The following SHROOM4 variants were observed in gnomAD, a reference collection of about 807,000 sequenced individuals.
SHROOM4 encodes shroom family member 4, also known as protein Shroom4.
SHROOM4 carries 17 observed loss-of-function variants against 80.3 expected under a neutral mutation model. The observed-to-expected ratio is 0.21, with a 90% CI of 0.14 to 0.32. SHROOM4 has a LOEUF of 0.32. Ranked by LOEUF, SHROOM4 falls within the 10% of genes least tolerant of loss-of-function variation. The probability of loss-of-function intolerance (pLI) is 1.00; values close to 1 mark genes in which losing one functional copy is unlikely to be tolerated. For synonymous variants in SHROOM4, 400 were observed against 437.5 expected (o/e 0.91, Z 1.07); for missense variants, 993 against 1,140.3 (o/e 0.87, Z 1.86).
chrX:50,801,291 A>AGAGAGAGAGAGAGAGAG (rs782711842), intron 1 of SHROOM4, among the ~76,000 whole-genome samples: 17 of 103,538 alleles, frequency 1.6e-4, no homozygotes, highest in East Asian at 6.3e-4. Flanking sequence ...AGAGAGAGAG[A>AGAGAGAGAGAGAGAGAG]ACACGTACTG....
intron 2 of SHROOM4, among the ~76,000 whole-genome samples, chrX:50,678,192 G>A (rs1391007114): frequency 9.0e-6 from 1 of 111,069 alleles, no homozygotes; most frequent in Non-Finnish European, 1.9e-5. Context: ...GTTAGCCCAC[G>A]CTCCAGTAAT....
At chrX:50,623,779 C>A (rs782508683) in intron 5 of SHROOM4, among the ~76,000 whole-genome samples, 1 of 112,068 alleles carries the variant, frequency 8.9e-6, no homozygotes, top group African/African-American at 3.2e-5. Flanking sequence ...ACCCAACAAT[C>A]CATTAGTGGA....
chrX:50,787,136 G>A (rs782788851), intron 1 of SHROOM4, among the ~76,000 whole-genome samples: 3 of 109,648 alleles, frequency 2.7e-5, no homozygotes, highest in South Asian at 4.0e-4. Flanking sequence ...GGGAGATCAC[G>A]TGAGCCCAGG....
At chrX:50,664,140 G>A (rs1048391440) in intron 2 of SHROOM4, among the ~76,000 whole-genome samples, 1 of 111,529 alleles carries the variant, frequency 9.0e-6, no homozygotes, top group African/African-American at 3.3e-5. Flanking sequence ...GATCCCTGTC[G>A]GGTGAAGGTT....
chrX:50,682,982 G>A (rs1364806305), intron 2 of SHROOM4, among the ~76,000 whole-genome samples: 1 of 111,150 alleles, frequency 9.0e-6, no homozygotes, highest in African/African-American at 3.3e-5. Context: ...AATGTGAGAA[G>A]CAGAGACTGG....
At chrX:50,652,381 G>C (rs146225957) in intron 2 of SHROOM4, among the ~76,000 whole-genome samples, 262 of 111,901 alleles carry the variant, frequency 2.3e-3, no homozygotes, top group Non-Finnish European at 3.2e-3. Context: ...GTCTTCTTTT[G>C]AGAAGTGTCT....
rs1317106301 is a variant in SHROOM4, at chrX:50,596,057, C to T, written c.*638G>A. 1 of 328,332 alleles carries T rather than the reference C, an allele frequency of 3.0e-6. No individual in the cohort carries two copies. Among genetic ancestry groups the T allele is most frequent in the East Asian group, 9.8e-5 (1 of 10,251 alleles). 27.1% of individuals were successfully genotyped at this position (328,332 alleles called of 1,213,427 possible). A position where few individuals can be genotyped will look rare whatever the true frequency, so the allele number is the denominator to read the frequency against. On this transcript the variant is annotated 3_prime_UTR_variant, in exon 9 of 9. Transcript: ENST00000376020. The stretch of plus-strand genomic sequence containing the variant: ...ACACTAGCCAGGGCTAAGAGTAGGC[C>T]TCTTCCCCTGAACTTGCTGCTGGGA...
At chrX:50,751,152 A>G (rs1934907964) in intron 1 of SHROOM4, among the ~76,000 whole-genome samples, 1 of 112,212 alleles carries the variant, frequency 8.9e-6, no homozygotes, top group Non-Finnish European at 1.9e-5. Flanking sequence ...TGAAACAATG[A>G]TAGAATCCTA....
At chrX:50,719,613 C>A (rs1429811782) in intron 1 of SHROOM4, among the ~76,000 whole-genome samples, 5 of 112,179 alleles carry the variant, frequency 4.5e-5, no homozygotes, top group African/African-American at 1.3e-4. Context: ...TTGTCCTTTT[C>A]TTCTCCCCGC....
chrX:50,795,090 TATATATATATG>T lies in SHROOM4; in HGVS notation c.117+18801_117+18811del, dbSNP rs1569549142. ...ATATATATATGATATATATATATGA[TATATATATATG>T]ATATATATATATGATATATATATAT... On this transcript the variant is annotated intron_variant, in intron 1 of 8. Transcript: ENST00000376020. Among the ~76,000 whole-genome samples, 306 of 56,510 alleles carry T rather than the reference TATATATATATG, an allele frequency of 5.4e-3. 47 individuals carry two copies. The highest frequency in any genetic ancestry group is 0.024 in the African/African-American group (281 of 11,952). 49.1% of individuals were successfully genotyped at this position (56,510 alleles called of 115,157 possible). A position where few individuals can be genotyped will look rare whatever the true frequency, so the allele number is the denominator to read the frequency against.
At position 50,627,648 on chromosome X, in the gene SHROOM4, T is replaced by C; in HGVS notation, c.2923A>G (p.Ile975Val). Residue 975 changes from isoleucine to valine, a missense_variant, in exon 5 of 9, where the codon ATA becomes GTA. Transcript: ENST00000376020. ...QEFPGDKWNP[I>V]TGNRKTSQSG... ...TGGCTGGTCTTCCTGTTTCCTGTTA[T>C]TGGATTCCATTTGTCCCCAGGAAAT... is the stretch of plus-strand genomic sequence containing the variant. 1 of 1,210,838 alleles carries C rather than the reference T, an allele frequency of 8.3e-7. No individual in the cohort carries two copies. Among genetic ancestry groups the C allele is most frequent in the Non-Finnish European group, 1.1e-6 (1 of 894,713 alleles).
At chrX:50,793,395 T>C (rs1244227020) in intron 1 of SHROOM4, among the ~76,000 whole-genome samples, 1 of 110,341 alleles carries the variant, frequency 9.1e-6, no homozygotes, top group East Asian at 2.8e-4. Context: ...CAGTGTGGTA[T>C]TGTGAACTTA....
chrX:50,705,538 T>C (rs1234494111), intron 1 of SHROOM4, among the ~76,000 whole-genome samples: 1 of 111,461 alleles, frequency 9.0e-6, no homozygotes, highest in Non-Finnish European at 1.9e-5. Context: ...CTCACTCTTC[T>C]AACTTTAAAC....
intron 1 of SHROOM4, among the ~76,000 whole-genome samples, chrX:50,754,998 A>G (rs1935008779): frequency 8.9e-6 from 1 of 112,253 alleles, no homozygotes; most frequent in Non-Finnish European, 1.9e-5. Flanking sequence ...TGAAAAGGCT[A>G]TCTTCCTCAC....
At chrX:50,676,464 G>GT (rs1279299886) in intron 2 of SHROOM4, among the ~76,000 whole-genome samples, 1 of 111,005 alleles carries the variant, frequency 9.0e-6, no homozygotes. Flanking sequence ...TTTTGCTTTG[G>GT]TTTTGTTTTG....
At chrX:50,701,015 C>A (rs1278197943) in intron 1 of SHROOM4, among the ~76,000 whole-genome samples, 1 of 111,442 alleles carries the variant, frequency 9.0e-6, no homozygotes, top group Non-Finnish European at 1.9e-5. Flanking sequence ...TGAATCAGGC[C>A]CAAGGGCTCC....
rs372998073 is a variant in SHROOM4 at position 50,607,936 on chromosome X, C to T, written c.3206G>A (p.Ser1069Asn). Residue 1069 changes from serine to asparagine, a missense_variant, in exon 6 of 9, where the codon AGC (serine) becomes AAC (asparagine). Transcript: ENST00000376020. The stretch of plus-strand genomic sequence containing the variant: ...CCTATGCTGCCCCCAGGCCCGGGTG[C>T]TTTGGGGCGCCAAGCTGATGTGACT... Reference protein sequence around the residue: ...SESHISLAPQSTRAWGQHRRE... With the variant: ...SESHISLAPQNTRAWGQHRRE... 26 of 1,210,049 alleles carry T rather than the reference C, an allele frequency of 2.1e-5. No homozygotes were observed. Among genetic ancestry groups the T allele is most frequent in the Non-Finnish European group, 2.8e-5 (25 of 895,262 alleles).
chrX:50,809,205 G>A (rs1557273227), intron 1 of SHROOM4, among the ~76,000 whole-genome samples: 1 of 111,531 alleles, frequency 9.0e-6, no homozygotes, highest in Non-Finnish European at 1.9e-5. Flanking sequence ...GTGAGTGCCA[G>A]GCACTGGTCT....
chrX:50,623,723 GA>G lies in SHROOM4; in HGVS notation c.2957+3890del, dbSNP rs1395935948. On this transcript the variant is annotated intron_variant, in intron 5 of 8. Transcript: ENST00000376020. ...TAAATCTACACAGAAACTTGTACAT[GA>G]ATGTTCATAGCAGTAATATTCACAA... Among the ~76,000 whole-genome samples, 10 of 111,921 alleles carry G rather than the reference GA, an allele frequency of 8.9e-5. No homozygotes were observed. The East Asian group carries it at 2.8e-3, about 31-fold the overall frequency.
Sources: gnomAD v4.1 joint callset for allele counts (sites outside exome capture counted in the v4.1 genomes callset) on GRCh38, gnomAD v4.1.1 for gene constraint, MANE v1.5 for transcripts, NCBI Gene and HGNC (gene_info 2026-07-23, HGNC 2026-07-21) for gene names.